The following USP13 variants were observed in gnomAD, a reference collection of about 807,000 sequenced individuals.
USP13 encodes the protein ubiquitin carboxyl-terminal hydrolase 13.
In USP13, 68 loss-of-function variants were observed where a neutral mutation model predicts 107.8. The ratio of observed to expected loss-of-function variants is 0.63; its 90% CI spans 0.52 to 0.77. The LOEUF (loss-of-function observed/expected upper bound fraction) is 0.77, where lower values mean the gene tolerates loss of function less well. Ranked by LOEUF, USP13 falls within the 30% of genes least tolerant of loss-of-function variation. USP13 has a pLI of 0.00. For synonymous variants in USP13, 377 were observed against 389.5 expected, an observed-to-expected ratio of 0.97 and a Z score of 0.38; for missense variants, 945 against 1,093.3, an observed-to-expected ratio of 0.86 and a Z score of 1.91.
At chr3:179,767,504 A>G (rs1715216660) in intron 19 of USP13, among the ~76,000 whole-genome samples, 1 of 151,066 alleles carries the variant, frequency 6.6e-6, no homozygotes, top group African/African-American at 2.4e-5. Flanking sequence ...GGCTCACTGC[A>G]ACCTCCACCT....
At position 179,721,486 on chromosome 3, in the gene USP13, C is replaced by T. The variant is rs1255476018; in HGVS notation, c.985C>T (p.Pro329Ser). Residue 329 changes from proline to serine, a missense_variant, in exon 8 of 21, where the codon CCA becomes TCA. By Grantham distance (74) the Pro-to-Ser change is moderately conservative. Transcript: ENST00000263966. The surrounding 1 kb of genome is among the most constrained non-coding windows in gnomAD (Gnocchi z 4.3). ...CCAGGAGTCGGGCACGAAACTGAAG[C>T]CAATGTATGGTCCTGGCTACACGGG... ...VIQESGTKLK[P>S]MYGPGYTGLK... The T allele has an allele frequency of 6.2e-7, 1 of 1,614,106 alleles. No homozygotes were observed. The highest frequency in any genetic ancestry group is 1.7e-5 in the Admixed American group (1 of 60,002).
At chr3:179,729,683 GC>G (rs1713725601) in intron 8 of USP13, among the ~76,000 whole-genome samples, 1 of 152,006 alleles carries the variant, frequency 6.6e-6, no homozygotes, top group Admixed American at 6.6e-5. Flanking sequence ...TGTTAGCTAG[GC>G]TGGTCTTGAA....
At chr3:179,771,297 G>A (rs1715334454) in intron 19 of USP13, among the ~76,000 whole-genome samples, 1 of 152,208 alleles carries the variant, frequency 6.6e-6, no homozygotes, top group Non-Finnish European at 1.5e-5. Flanking sequence ...GAGACTCTGT[G>A]AGACTCCGTT....
intron 1 of USP13, among the ~76,000 whole-genome samples, chr3:179,657,781 A>AG (rs1560037605): frequency 8.2e-5 from 12 of 146,900 alleles, no homozygotes; most frequent in African/African-American, 3.0e-4. Flanking sequence ...AAAAAAAAAA[A>AG]AAAAAGAAAG....
intron 1 of USP13, among the ~76,000 whole-genome samples, chr3:179,659,906 G>A (rs1460543562): frequency 2.6e-5 from 4 of 152,124 alleles, no homozygotes; most frequent in African/African-American, 9.7e-5. Context: ...GCCGGGCTGG[G>A]TAGCGGGCGC....
chr3:179,726,086 A>G (rs546308070), intron 8 of USP13, among the ~76,000 whole-genome samples: 4 of 152,288 alleles, frequency 2.6e-5, no homozygotes, highest in Middle Eastern at 3.4e-3. Context: ...GTCAGTCAGA[A>G]GCAGATGGTA....
chr3:179,749,279 G>T (rs980098796), intron 13 of USP13, among the ~76,000 whole-genome samples: 1 of 152,122 alleles, frequency 6.6e-6, no homozygotes, highest in African/African-American at 2.4e-5. Context: ...CAGTATTGTT[G>T]TTGGGACATA....
intron 1 of USP13, among the ~76,000 whole-genome samples, chr3:179,668,581 A>C (rs888430465): frequency 4.6e-5 from 7 of 152,016 alleles, no homozygotes; most frequent in African/African-American, 1.7e-4. Flanking sequence ...TTTTGAGACA[A>C]GGTCTCACTC....
At chr3:179,731,402 T>TCAAA (rs148223060) in intron 10 of USP13, among the ~76,000 whole-genome samples, 11 of 152,164 alleles carry the variant, frequency 7.2e-5, no homozygotes, top group Non-Finnish European at 1.0e-4. Context: ...AGACTCCATA[T>TCAAA]CAAACAAACA....
At chr3:179,730,811 C>A in intron 10 of USP13, 102 bp downstream of exon 10, 1 of 1,044,826 alleles carries the variant, frequency 9.6e-7, no homozygotes, top group Non-Finnish European at 1.4e-6. Flanking sequence ...ATTTAGCAAG[C>A]TGTCAGAATA....
chr3:179,694,275 G>A (rs900620621), intron 3 of USP13, among the ~76,000 whole-genome samples: 2 of 152,112 alleles, frequency 1.3e-5, no homozygotes, highest in African/African-American at 4.8e-5. Context: ...GTGCCCGGCC[G>A]ATTCTGGTAA....
At chr3:179,772,163 C>A (rs1715360666) in intron 19 of USP13, among the ~76,000 whole-genome samples, 1 of 152,208 alleles carries the variant, frequency 6.6e-6, no homozygotes, top group Non-Finnish European at 1.5e-5. Context: ...CTATTTTCTA[C>A]CATGTTCTGC....
chr3:179,669,454 G>A (rs918486188), intron 1 of USP13, among the ~76,000 whole-genome samples: 6 of 150,678 alleles, frequency 4.0e-5, no homozygotes, highest in Admixed American at 1.3e-4. Context: ...GCAAGACTCC[G>A]TCTCAAAAAA....
At chr3:179,754,098 T>G (rs1714702901) in intron 14 of USP13, among the ~76,000 whole-genome samples, 2 of 152,202 alleles carry the variant, frequency 1.3e-5, no homozygotes, top group African/African-American at 4.8e-5. Flanking sequence ...CAGGGTAATC[T>G]AAATGAAAGA....
rs1221495195 is a variant in USP13, at chr3:179,714,411, CCTG to C, written c.805+5458_805+5460del. The stretch of plus-strand genomic sequence containing the variant: ...TGTTAGTTTTGGCCTGGCCTCGGCC[CCTG>C]CTGTGTGCCTCTGTGGTACTTCCTG... On this transcript the variant is annotated intron_variant, in intron 6 of 20. Coordinates refer to ENST00000263966, the MANE Select transcript of USP13 (RefSeq NM_003940.3). Among the ~76,000 whole-genome samples the C allele has an allele frequency of 2.6e-5, 4 of 152,192 alleles. No homozygotes were observed. The East Asian group carries it at 7.7e-4, about 29-fold the overall frequency.
At chr3:179,769,608 C>T (rs1338359005) in intron 19 of USP13, among the ~76,000 whole-genome samples, 4 of 152,110 alleles carry the variant, frequency 2.6e-5, no homozygotes, top group Non-Finnish European at 5.9e-5. Context: ...GGAATTTCGC[C>T]ATGTTGCCCA....
At chr3:179,707,995 A>G (rs947062902) in intron 5 of USP13, among the ~76,000 whole-genome samples, 4 of 152,226 alleles carry the variant, frequency 2.6e-5, no homozygotes, top group Non-Finnish European at 5.9e-5. Context: ...GCATTTAGTC[A>G]AGTTGGTCTC....
intron 2 of USP13, among the ~76,000 whole-genome samples, chr3:179,689,937 C>G (rs754640130): frequency 1.7e-4 from 26 of 152,162 alleles, no homozygotes; most frequent in Non-Finnish European, 3.2e-4. Flanking sequence ...GGGCTCCTGC[C>G]CTCTTGGGAG....
intron 19 of USP13, among the ~76,000 whole-genome samples, chr3:179,773,001 A>T (rs1437132175): frequency 2.6e-5 from 4 of 152,152 alleles, no homozygotes; most frequent in African/African-American, 7.2e-5. Context: ...ATGAGGGGAA[A>T]TCAAGCTGTT....
Sources: gnomAD v4.1 joint callset for allele counts (sites outside exome capture counted in the v4.1 genomes callset) on GRCh38, gnomAD v4.1.1 for gene constraint, Gnocchi (gnomAD v3.1) non-coding constraint, MANE v1.5 for transcripts, NCBI Gene and HGNC (gene_info 2026-07-23, HGNC 2026-07-21) for gene names.